Variants in SLC27A6 observed in about 807,000 individuals in gnomAD.
SLC27A6 encodes the protein long-chain fatty acid transport protein 6.
In SLC27A6, 74 loss-of-function variants were observed where a neutral mutation model predicts 63.9. That is an observed-to-expected ratio of 1.16 (90% CI 0.96 to 1.40). The LOEUF is 1.40. Among genes scored for constraint, SLC27A6 ranks in the 40% most tolerant of loss-of-function variants. SLC27A6 has a pLI of 0.00. For synonymous variants in SLC27A6, 287 were observed against 260.8 expected (o/e 1.10, Z -0.97); for missense variants, 794 against 732.9 (o/e 1.08, Z -0.96).
At chr5:129,002,211 A>G (rs1422662114) in intron 4 of SLC27A6, among the ~76,000 whole-genome samples, 1 of 152,244 alleles carries the variant, frequency 6.6e-6, no homozygotes, top group Non-Finnish European at 1.5e-5. Flanking sequence ...AGCATTTTCT[A>G]CATGTTTGAA....
rs766090813 is a variant in SLC27A6 at position 129,029,568 on chromosome 5, T to G, written c.1553-9T>G. The G allele has an allele frequency of 1.0e-5, 16 of 1,553,552 alleles. No homozygotes were observed. In the African/African-American group the frequency reaches 1.4e-4, roughly 14 times the overall value. Reference sequence around the variant, plus strand: ...CTTAAAAATGACTCTATTTCAAACTTTTTTTCAGGTTATGAAGGAAGAGCA... The same window carrying G: ...CTTAAAAATGACTCTATTTCAAACTGTTTTTCAGGTTATGAAGGAAGAGCA... On this transcript the variant is annotated splice_polypyrimidine_tract_variant and intron_variant, in intron 8 of 9. Coordinates refer to ENST00000262462, the MANE Select transcript of SLC27A6 (RefSeq NM_001017372.3).
At chr5:129,021,490 C>A (rs1321674443) in intron 5 of SLC27A6, among the ~76,000 whole-genome samples, 1 of 152,134 alleles carries the variant, frequency 6.6e-6, no homozygotes, top group African/African-American at 2.4e-5. Context: ...GATAAAATCT[C>A]CCAGGGCCAA....
chr5:129,031,916 G>A (rs1011660129), intron 9 of SLC27A6, among the ~76,000 whole-genome samples: 6 of 151,868 alleles, frequency 4.0e-5, no homozygotes, highest in African/African-American at 1.5e-4. Flanking sequence ...AGATGGAGGA[G>A]GGAAGGGAGA....
chr5:128,992,352 T>G (rs1751014889), intron 4 of SLC27A6, among the ~76,000 whole-genome samples: 1 of 152,172 alleles, frequency 6.6e-6, no homozygotes, highest in Non-Finnish European at 1.5e-5. Flanking sequence ...TTGGCTAAAA[T>G]CTGGCCATGT....
At chr5:129,012,555 A>T (rs1315540671) in intron 4 of SLC27A6, among the ~76,000 whole-genome samples, 3 of 152,066 alleles carry the variant, frequency 2.0e-5, no homozygotes, top group African/African-American at 7.2e-5. Context: ...TACCAGAGAG[A>T]GAAGTTAAAA....
At chr5:129,032,408 G>A (rs752779199) in intron 9 of SLC27A6, among the ~76,000 whole-genome samples, 1 of 152,020 alleles carries the variant, frequency 6.6e-6, no homozygotes, top group South Asian at 2.1e-4. Flanking sequence ...GTTCCATGAT[G>A]ATTTTTGGCT....
At chr5:128,983,296 T>TTTTG (rs1554096541) in intron 1 of SLC27A6, among the ~76,000 whole-genome samples, 6 of 148,208 alleles carry the variant, frequency 4.0e-5, no homozygotes, top group African/African-American at 1.5e-4. Flanking sequence ...CGGGTTTTTT[T>TTTTG]TTTTTTTTTT....
intron 5 of SLC27A6, among the ~76,000 whole-genome samples, chr5:129,021,552 G>C (rs1752075914): frequency 6.6e-6 from 1 of 152,178 alleles, no homozygotes; most frequent in Non-Finnish European, 1.5e-5. Flanking sequence ...CTATGAATGG[G>C]ACCCCATGTT....
At chr5:129,003,998 A>T (rs1751436958) in intron 4 of SLC27A6, among the ~76,000 whole-genome samples, 1 of 151,504 alleles carries the variant, frequency 6.6e-6, no homozygotes, top group South Asian at 2.1e-4. Context: ...AGAACCTCAA[A>T]CTCAAAGTTA....
intron 1 of SLC27A6, among the ~76,000 whole-genome samples, chr5:128,970,267 T>C (rs916025643): frequency 6.6e-6 from 1 of 152,162 alleles, no homozygotes; most frequent in Non-Finnish European, 1.5e-5. Context: ...ATCAGGATGA[T>C]GTTGGCCTCA....
chr5:128,999,903 T>TG (rs1751277768), intron 4 of SLC27A6, among the ~76,000 whole-genome samples: 1 of 152,174 alleles, frequency 6.6e-6, no homozygotes, highest in Non-Finnish European at 1.5e-5. Context: ...GGTTAACTAC[T>TG]GACAGACCCT....
At chr5:128,988,569 A>T (rs1750868808) in intron 2 of SLC27A6, 31 bp from the exon 3 acceptor site, 1 of 1,590,256 alleles carries the variant, frequency 6.3e-7, no homozygotes, top group South Asian at 1.1e-5. Flanking sequence ...ATGTGTGTAT[A>T]TATATTTCCT....
At position 129,028,480 on chromosome 5, in the gene SLC27A6, A is replaced by G. The variant is rs568407901; in HGVS notation, c.1552+38A>G. On this transcript the variant is annotated intron_variant, in intron 8 of 9. Coordinates refer to ENST00000262462, the MANE Select transcript of SLC27A6 (RefSeq NM_001017372.3). ...TTCAGATTTTGGAAAGATTCTTAGAATAGAATTGCCACTATTCTCTAGTTT... is the reference window on the plus strand; with the variant it reads ...TTCAGATTTTGGAAAGATTCTTAGAGTAGAATTGCCACTATTCTCTAGTTT... 1.3e-5 allele frequency: 16 copies of G among 1,227,738 alleles called. 1 individual carries two copies. The Admixed American group carries it at 2.7e-4, about 21-fold the overall frequency. The allele number at this position is 1,227,738 out of a possible 1,614,324, so 76.1% of individuals were successfully genotyped here. A position where few individuals can be genotyped will look rare whatever the true frequency, so the allele number is the denominator to read the frequency against.
chr5:128,999,615 G>A (rs1431594659), intron 4 of SLC27A6, among the ~76,000 whole-genome samples: 1 of 152,070 alleles, frequency 6.6e-6, no homozygotes, highest in African/African-American at 2.4e-5. Flanking sequence ...AATAGCCAAA[G>A]TCCAACTTTT....
intron 1 of SLC27A6, among the ~76,000 whole-genome samples, chr5:128,982,296 C>T: frequency 6.6e-6 from 1 of 152,108 alleles, no homozygotes; most frequent in East Asian, 1.9e-4. Context: ...AAGCATCTCA[C>T]CTAAATAAAA....
intron 2 of SLC27A6, among the ~76,000 whole-genome samples, chr5:128,988,314 A>G (rs564802742): frequency 6.6e-6 from 1 of 152,332 alleles, no homozygotes; most frequent in East Asian, 1.9e-4. Flanking sequence ...CACTGTAATT[A>G]ATTTCTAGAA....
chr5:128,966,676 C>CTT (rs35605807), intron 1 of SLC27A6, 58 bp downstream of exon 1: 33 of 1,046,160 alleles, frequency 3.2e-5, no homozygotes, highest in East Asian at 2.3e-4. Flanking sequence ...CTTTCATACC[C>CTT]TTTTTTTTTT....
chr5:129,033,635 ATATTT>A (rs949767801), downstream of SLC27A6: 7 of 153,052 alleles, frequency 4.6e-5, no homozygotes, highest in African/African-American at 1.4e-4. Flanking sequence ...TTTTACTGAA[ATATTT>A]TATTTTTATG....
intron 2 of SLC27A6, among the ~76,000 whole-genome samples, chr5:128,987,522 AAAAC>A (rs1390754309): frequency 6.6e-6 from 1 of 152,212 alleles, no homozygotes; most frequent in African/African-American, 2.4e-5. Flanking sequence ...GATGTTGGAG[AAAAC>A]TGACAAGATA....
Sources: allele counts gnomAD v4.1 joint callset (sites outside exome capture counted in the v4.1 genomes callset), GRCh38; gene constraint gnomAD v4.1.1; transcripts MANE v1.5; gene names NCBI Gene and HGNC (gene_info 2026-07-23, HGNC 2026-07-21).